The following GRM8 variants were observed in gnomAD, a reference collection of about 807,000 sequenced individuals.
The protein encoded by GRM8 is glutamate metabotropic receptor 8, also known as metabotropic glutamate receptor 8.
Under a neutral mutation model 87.2 loss-of-function variants are expected in GRM8, and 47 were observed. The ratio of observed to expected loss-of-function variants is 0.54; its 90% CI spans 0.43 to 0.69. The LOEUF (loss-of-function observed/expected upper bound fraction) is 0.69. GRM8 is among the 30% of genes least tolerant of loss of function. The pLI is 0.00. For synonymous variants in GRM8, 396 were observed against 404.5 expected (o/e 0.98, Z 0.25); for missense variants, 1,019 against 1,139.2 (o/e 0.89, Z 1.52).
chr7:126,616,305 TAA>T (rs960461021), intron 7 of GRM8, among the ~76,000 whole-genome samples: 102 of 152,260 alleles, frequency 6.7e-4, no homozygotes, highest in African/African-American at 2.2e-3. Flanking sequence ...AAGTCAGAAA[TAA>T]AGACGTTCTT....
At chr7:126,490,673 TC>T (rs1807900307) in intron 9 of GRM8, among the ~76,000 whole-genome samples, 1 of 151,936 alleles carries the variant, frequency 6.6e-6, no homozygotes, top group Admixed American at 6.6e-5. Context: ...CTCTGCTGCC[TC>T]CCCTGTTTCA....
At chr7:126,931,519 C>A (rs1179568092) in intron 3 of GRM8, among the ~76,000 whole-genome samples, 1 of 151,884 alleles carries the variant, frequency 6.6e-6, no homozygotes, top group East Asian at 1.9e-4. Context: ...AGTCAAAAAC[C>A]CAAAATATTA....
intron 3 of GRM8, among the ~76,000 whole-genome samples, chr7:127,018,730 C>G (rs1401457857): frequency 6.6e-6 from 1 of 151,896 alleles, no homozygotes; most frequent in Non-Finnish European, 1.5e-5. Context: ...AACACAGCCC[C>G]TTTCTGCTTG....
intron 6 of GRM8, among the ~76,000 whole-genome samples, chr7:126,851,441 C>T (rs994551199): frequency 2.6e-5 from 4 of 152,144 alleles, no homozygotes; most frequent in East Asian, 1.9e-4. Flanking sequence ...GGAAAACCCT[C>T]GAATAAGTTC....
intron 7 of GRM8, among the ~76,000 whole-genome samples, chr7:126,618,108 G>T (rs1482988228): frequency 2.0e-5 from 3 of 152,064 alleles, no homozygotes; most frequent in Non-Finnish European, 4.4e-5. Context: ...GAGGCATCAC[G>T]CTACCTGACT....
rs148680955 is a variant in GRM8 at position 126,891,833 on chromosome 7, G to T, written c.1156+10709C>A. Among the ~76,000 whole-genome samples, 534 of 151,618 alleles carry T rather than the reference G, an allele frequency of 3.5e-3. 4 individuals are homozygous for T. The highest frequency in any genetic ancestry group is 0.012 in the African/African-American group (511 of 41,402). On this transcript the variant is annotated intron_variant, in intron 6 of 10. Transcript: ENST00000339582. Reference sequence around the variant, plus strand: ...CAATAACCATTTTTGTTTTGCTCACGAACATGTCCTTGACATCTAATAGCT... The same window carrying T: ...CAATAACCATTTTTGTTTTGCTCACTAACATGTCCTTGACATCTAATAGCT...
intron 3 of GRM8, among the ~76,000 whole-genome samples, chr7:127,046,577 G>A (rs1345181926): frequency 2.0e-5 from 3 of 152,068 alleles, no homozygotes; most frequent in Non-Finnish European, 4.4e-5. Context: ...AGATAAATAA[G>A]TTAACACATG....
At chr7:126,440,576 C>G (rs1362801269) in intron 10 of GRM8, among the ~76,000 whole-genome samples, 2 of 151,938 alleles carry the variant, frequency 1.3e-5, no homozygotes, top group African/African-American at 4.8e-5. Context: ...CTTGTATACT[C>G]TATTTTTACT....
chr7:126,445,903 A>G (rs144440720), intron 10 of GRM8, among the ~76,000 whole-genome samples: 209 of 152,118 alleles, frequency 1.4e-3, no homozygotes, highest in African/African-American at 4.9e-3. Flanking sequence ...CATGCTTTGT[A>G]AAAGAGATTT....
Position 126,902,536 on chromosome 7 carries a change from G to T in GRM8, c.1156+6C>A, listed in dbSNP as rs748879196. The stretch of plus-strand genomic sequence containing the variant: ...AATGCACCACAGGAAACATTTGAGT[G>T]GTTACCTGTGCATTTCTTTATATGA... On this transcript the variant is annotated splice_donor_region_variant and intron_variant, in intron 6 of 10. Coordinates refer to ENST00000339582, the MANE Select transcript of GRM8 (RefSeq NM_000845.3). 2.7e-5 allele frequency: 42 copies of T among 1,570,492 alleles called. No homozygotes were observed. Among genetic ancestry groups the T allele is most frequent in the Admixed American group, 3.9e-5 (2 of 50,966 alleles).
chr7:126,486,777 T>C (rs1807423571), intron 9 of GRM8, among the ~76,000 whole-genome samples: 1 of 152,092 alleles, frequency 6.6e-6, no homozygotes, highest in African/African-American at 2.4e-5. Flanking sequence ...GGAATACATT[T>C]TATGAAAATT....
chr7:127,140,013 G>A (rs1244941833), intron 2 of GRM8, among the ~76,000 whole-genome samples: 1 of 151,958 alleles, frequency 6.6e-6, no homozygotes, highest in African/African-American at 2.4e-5. Context: ...GCATCTCCAG[G>A]GCAGCATATG....
At chr7:126,704,248 C>T (rs567523579) in intron 7 of GRM8, among the ~76,000 whole-genome samples, 3 of 152,224 alleles carry the variant, frequency 2.0e-5, no homozygotes, top group South Asian at 2.1e-4. Flanking sequence ...AATCTCTAAA[C>T]ATAAATTGTG....
chr7:126,783,100 C>A (rs1351868796), intron 6 of GRM8, among the ~76,000 whole-genome samples: 1 of 152,162 alleles, frequency 6.6e-6, no homozygotes, highest in Admixed American at 6.5e-5. Flanking sequence ...ACAGAGGCTG[C>A]AGACTGTGTT....
chr7:126,932,774 GAAT>G (rs1449273107), intron 3 of GRM8, among the ~76,000 whole-genome samples: 1 of 152,142 alleles, frequency 6.6e-6, no homozygotes, highest in Non-Finnish European at 1.5e-5. Context: ...AGGCAGGGGT[GAAT>G]ATTATAGGTC....
intron 3 of GRM8, among the ~76,000 whole-genome samples, chr7:127,015,092 A>C (rs1815405891): frequency 2.2e-5 from 3 of 138,106 alleles, no homozygotes; most frequent in African/African-American, 8.2e-5. Flanking sequence ...AAGAAGGAGA[A>C]GAAGGAGAAG....
intron 7 of GRM8, among the ~76,000 whole-genome samples, chr7:126,643,302 AAAAAAAAAAAAAAAAAAAT>A (rs1802622770): frequency 2.2e-5 from 1 of 44,508 alleles, no homozygotes; most frequent in Non-Finnish European, 4.1e-5. Flanking sequence ...AAAAAAAAAA[AAAAAAAAAAAAAAAAAAAT>A]ATATATATAT....
At chr7:127,106,988 T>A (rs1348280312) in intron 2 of GRM8, among the ~76,000 whole-genome samples, 1 of 152,184 alleles carries the variant, frequency 6.6e-6, no homozygotes, top group Non-Finnish European at 1.5e-5. Flanking sequence ...CATTTGTGCT[T>A]TTTGTTGATG....
intron 7 of GRM8, among the ~76,000 whole-genome samples, chr7:126,717,726 T>C (rs1254609684): frequency 5.3e-5 from 8 of 152,168 alleles, no homozygotes. Context: ...TAGGAGGCAA[T>C]AATTTATTTA....
Sources: allele counts gnomAD v4.1 joint callset (sites outside exome capture counted in the v4.1 genomes callset), GRCh38; gene constraint gnomAD v4.1.1; transcripts MANE v1.5; gene names NCBI Gene and HGNC (gene_info 2026-07-23, HGNC 2026-07-21).